Variants in DIAPH3 observed in about 807,000 individuals in gnomAD.
DIAPH3 encodes the protein protein diaphanous homolog 3.
DIAPH3 carries 117 observed loss-of-function variants against 144.3 expected under a neutral mutation model. That is an observed-to-expected ratio of 0.81 (90% CI 0.70 to 0.95). DIAPH3 has a LOEUF of 0.95. Ranked by LOEUF, DIAPH3 falls within the 40% of genes least tolerant of loss-of-function variation. The pLI, the probability that DIAPH3 is intolerant of heterozygous loss-of-function variation, is 0.00. For missense variants in DIAPH3, 1,421 were observed against 1,412.7 expected, an observed-to-expected ratio of 1.01 and a Z score of -0.09; for synonymous variants, 519 against 488.9, an observed-to-expected ratio of 1.06 and a Z score of -0.81.
chr13:59,871,877 G>C (rs770484561), intron 21 of DIAPH3, among the ~76,000 whole-genome samples: 1 of 152,118 alleles, frequency 6.6e-6, no homozygotes, highest in Non-Finnish European at 1.5e-5. Context: ...TGTAGGCTTG[G>C]TTGTGTTAAT....
chr13:59,820,383 C>T (rs1210529277), intron 24 of DIAPH3, among the ~76,000 whole-genome samples: 1 of 151,842 alleles, frequency 6.6e-6, no homozygotes, highest in Admixed American at 6.6e-5. Context: ...GCTATTATAC[C>T]TCTGAAGATT....
intron 27 of DIAPH3, among the ~76,000 whole-genome samples, chr13:59,676,554 A>C (rs2032654886): frequency 2.0e-5 from 3 of 152,226 alleles, no homozygotes; most frequent in South Asian, 2.1e-4. Context: ...TCAGTTCATT[A>C]GTTAATTCAG....
chr13:59,771,703 A>G (rs1175632585), intron 27 of DIAPH3, among the ~76,000 whole-genome samples: 2 of 152,176 alleles, frequency 1.3e-5, no homozygotes, highest in Non-Finnish European at 2.9e-5. Flanking sequence ...ATAGGCATGC[A>G]TTCAAAATTT....
At chr13:59,694,857 T>A (rs148673502) in intron 27 of DIAPH3, among the ~76,000 whole-genome samples, 1,734 of 152,266 alleles carry the variant, frequency 0.011, 15 homozygotes, top group Middle Eastern at 0.017. Flanking sequence ...AAAAGAGTGC[T>A]GCCAAATAGG....
intron 5 of DIAPH3, 34 bp downstream of exon 5, chr13:60,042,656 A>G (rs372050539): frequency 1.9e-6 from 3 of 1,612,546 alleles, no homozygotes; most frequent in Non-Finnish European, 2.5e-6. Flanking sequence ...CATTAATGAC[A>G]TCTGCCCTGT....
chr13:59,737,851 A>G (rs999717425), intron 27 of DIAPH3, among the ~76,000 whole-genome samples: 1 of 152,164 alleles, frequency 6.6e-6, no homozygotes, highest in Non-Finnish European at 1.5e-5. Context: ...AGAAATATAC[A>G]AGGCCTATCT....
intron 21 of DIAPH3, among the ~76,000 whole-genome samples, chr13:59,878,073 T>C (rs1205380672): frequency 2.6e-5 from 4 of 152,152 alleles, no homozygotes; most frequent in Non-Finnish European, 5.9e-5. Flanking sequence ...ATGAGTCTCA[T>C]GTATGCCAGG....
chr13:60,090,407 G>A (rs753039048), intron 4 of DIAPH3, among the ~76,000 whole-genome samples: 21 of 151,118 alleles, frequency 1.4e-4, no homozygotes, highest in African/African-American at 3.2e-4. Context: ...CCTTATCTAC[G>A]TTAGGCCTAC....
intron 27 of DIAPH3, among the ~76,000 whole-genome samples, chr13:59,674,037 G>A (rs571006767): frequency 2.0e-5 from 3 of 152,290 alleles, no homozygotes; most frequent in Admixed American, 1.3e-4. Flanking sequence ...AAAAGTGAGG[G>A]TAACCTAGGG....
At chr13:60,157,813 G>A (rs1952101798) in intron 1 of DIAPH3, among the ~76,000 whole-genome samples, 1 of 152,168 alleles carries the variant, frequency 6.6e-6, no homozygotes, top group Non-Finnish European at 1.5e-5. Flanking sequence ...CGCTGGATGG[G>A]ACCTGAAATC....
intron 27 of DIAPH3, among the ~76,000 whole-genome samples, chr13:59,677,940 T>C (rs547915185): frequency 1.3e-5 from 2 of 152,316 alleles, no homozygotes; most frequent in Admixed American, 1.3e-4. Context: ...TGTCTATGTT[T>C]TGGCATCTGT....
chr13:59,691,106 G>A (rs558369456), intron 27 of DIAPH3, among the ~76,000 whole-genome samples: 1 of 152,098 alleles, frequency 6.6e-6, no homozygotes, highest in African/African-American at 2.4e-5. Flanking sequence ...GGAGGTAAAA[G>A]GGTCTGGTGT....
At chr13:59,704,462 T>C (rs925301797) in intron 27 of DIAPH3, among the ~76,000 whole-genome samples, 1 of 152,232 alleles carries the variant, frequency 6.6e-6, no homozygotes. Flanking sequence ...GCCACCCTCA[T>C]ACAGAAGCAG....
At chr13:59,898,872 T>C (rs2046279979) in intron 20 of DIAPH3, among the ~76,000 whole-genome samples, 1 of 152,118 alleles carries the variant, frequency 6.6e-6, no homozygotes, top group Non-Finnish European at 1.5e-5. Context: ...AAGGAGAAGA[T>C]TAACATTTGA....
chr13:59,673,919 T>A (rs527848219), intron 27 of DIAPH3, among the ~76,000 whole-genome samples: 1 of 152,328 alleles, frequency 6.6e-6, no homozygotes, highest in Non-Finnish European at 1.5e-5. Flanking sequence ...TCTTTTGCTA[T>A]AATAAAGCTG....
intron 21 of DIAPH3, among the ~76,000 whole-genome samples, chr13:59,866,652 A>G (rs340216): frequency 0.5 from 75,608 of 151,836 alleles, 20,221 homozygotes; most frequent in Non-Finnish European, 0.58. Flanking sequence ...CTCTTTATAT[A>G]TTTCTAATGG....
At chr13:59,970,778 A>C (rs912114001) in intron 16 of DIAPH3, 74 bp downstream of exon 16, 154 of 1,307,722 alleles carry the variant, frequency 1.2e-4, no homozygotes, top group Non-Finnish European at 1.5e-4. Flanking sequence ...ATCTCATTAG[A>C]AATTATGTAT....
At chr13:59,989,804 A>G (rs964188886) in intron 12 of DIAPH3, among the ~76,000 whole-genome samples, 3 of 151,958 alleles carry the variant, frequency 2.0e-5, no homozygotes, top group African/African-American at 7.2e-5. Context: ...GATCAAAGTC[A>G]TAAGTATGAT....
At chr13:60,162,807 T>A (rs201676743) in intron 1 of DIAPH3, among the ~76,000 whole-genome samples, 4,653 of 127,688 alleles carry the variant, frequency 0.036, 198 homozygotes, top group African/African-American at 0.11. Context: ...TCTCTCTCTC[T>A]CTCACACACA....
Sources: gnomAD v4.1 joint callset for allele counts (sites outside exome capture counted in the v4.1 genomes callset) on GRCh38, gnomAD v4.1.1 for gene constraint, MANE v1.5 for transcripts, NCBI Gene and HGNC (gene_info 2026-07-23, HGNC 2026-07-21) for gene names.